AFAP1L2: variants seen among roughly 807,000 people sequenced by gnomAD.
AFAP1L2 encodes actin filament associated protein 1 like 2, also known as actin filament-associated protein 1-like 2.
A neutral mutation model predicts 99.3 loss-of-function variants in AFAP1L2; 46 were observed. The ratio of observed to expected loss-of-function variants is 0.46; its 90% CI spans 0.37 to 0.59. The LOEUF is 0.59. Ranked by LOEUF, AFAP1L2 falls within the 20% of genes least tolerant of loss-of-function variation. AFAP1L2 has a pLI of 0.00. For missense variants in AFAP1L2, 959 were observed against 1,034.9 expected (o/e 0.93, Z 1.01); for synonymous variants, 397 against 419.1 (o/e 0.95, Z 0.64).
intron 1 of AFAP1L2, among the ~76,000 whole-genome samples, chr10:114,388,055 T>A (rs1225406479): frequency 2.0e-5 from 3 of 152,232 alleles, no homozygotes; most frequent in South Asian, 2.1e-4. Flanking sequence ...GGGAGAAAGA[T>A]GAAGGAGGAT....
In AFAP1L2 at chr10:114,327,173, A is replaced by AT. The variant is rs148962632; in HGVS notation, c.316-3913dup. ...TATATATATATATATATATATATATATTTTTTTTTTAGGCAGAGTCTCACT... is the reference window on the plus strand; with the variant it reads ...TATATATATATATATATATATATATATTTTTTTTTTTAGGCAGAGTCTCACT... On this transcript the variant is annotated intron_variant, in intron 4 of 18. Transcript: ENST00000304129. Among the ~76,000 whole-genome samples, 120 of 18,690 alleles carry AT rather than the reference A, an allele frequency of 6.4e-3. 6 individuals carry two copies. The highest frequency in any genetic ancestry group is 0.013 in the African/African-American group (114 of 8,728). 12.3% of individuals were successfully genotyped at this position (18,690 alleles called of 152,430 possible).
At chr10:114,330,219 G>A (rs757385503) in intron 4 of AFAP1L2, among the ~76,000 whole-genome samples, 2 of 152,132 alleles carry the variant, frequency 1.3e-5, no homozygotes, top group African/African-American at 2.4e-5. Flanking sequence ...AGGAAGGCAC[G>A]AATGAAGGGG....
chr10:114,307,385 C>T (rs112260031), intron 10 of AFAP1L2, among the ~76,000 whole-genome samples: 51 of 152,128 alleles, frequency 3.4e-4, no homozygotes, highest in East Asian at 1.9e-4. Flanking sequence ...CTGATAGCTA[C>T]GAAGATGGCA....
chr10:114,400,414 C>G (rs1012895464), intron 1 of AFAP1L2, among the ~76,000 whole-genome samples: 3 of 152,190 alleles, frequency 2.0e-5, no homozygotes, highest in African/African-American at 7.2e-5. Flanking sequence ...TCCCACGCAA[C>G]TTCAAAGTCA....
chr10:114,358,114 T>C (rs2051667797), intron 1 of AFAP1L2, among the ~76,000 whole-genome samples: 1 of 152,216 alleles, frequency 6.6e-6, no homozygotes, highest in African/African-American at 2.4e-5. Flanking sequence ...GCCTCTCTTT[T>C]GTTTTCTGTT....
At chr10:114,281,105 G>A in the AFAP1L2 span, 1 of 152,226 alleles carries the variant, frequency 6.6e-6, no homozygotes, top group African/African-American at 2.4e-5. Flanking sequence ...TTACCCCAGG[G>A]AAGACCCTGC....
chr10:114,352,609 C>T (rs2050708301), intron 1 of AFAP1L2, among the ~76,000 whole-genome samples: 1 of 152,086 alleles, frequency 6.6e-6, no homozygotes, highest in Admixed American at 6.5e-5. Flanking sequence ...CAGGAAACCA[C>T]CTTCATAGAA....
At position 114,377,301 on chromosome 10, in the gene AFAP1L2, A is replaced by G. The variant is rs1305898225; in HGVS notation, c.16+27139T>C. Among the ~76,000 whole-genome samples, 2 of 152,048 alleles carry G rather than the reference A, an allele frequency of 1.3e-5. No homozygotes were observed. The highest frequency in any genetic ancestry group is 6.6e-5 in the Admixed American group (1 of 15,256). On this transcript the variant is annotated intron_variant, in intron 1 of 18. Coordinates refer to ENST00000304129, the MANE Select transcript of AFAP1L2 (RefSeq NM_001001936.3). This position sits in a 1 kb window ranked among gnomAD's most constrained non-coding sequence, Gnocchi z 4.0. ...CCTAGTAGAAATATTCTGCCTTAAA[A>G]CCCTTCAGAGAGGCCAGTTCCAAGG...
At chr10:114,338,220 C>A (rs1159350542) in intron 2 of AFAP1L2, among the ~76,000 whole-genome samples, 3 of 152,178 alleles carry the variant, frequency 2.0e-5, no homozygotes, top group Admixed American at 1.3e-4. Flanking sequence ...AGGTTGGACA[C>A]AAAGAAGCAT....
chr10:114,404,300 C>G lies in AFAP1L2; in HGVS notation c.16+140G>C, dbSNP rs938006003. The stretch of plus-strand genomic sequence containing the variant: ...GTCCGCGGCGCCGCTGTCGCCCCCT[C>G]TTAGGCCCAGGTCCGGGCTGGGTGG... On this transcript the variant is annotated intron_variant, in intron 1 of 18. Transcript: ENST00000304129. 4 of 1,038,074 alleles carry G rather than the reference C, an allele frequency of 3.9e-6. No homozygotes were observed. The African/African-American group carries it at 6.4e-5, about 17-fold the overall frequency. The allele number at this position is 1,038,074 out of a possible 1,614,324, so 64.3% of individuals were successfully genotyped here.
chr10:114,300,808 C>T (rs2041031994), intron 13 of AFAP1L2, 118 bp from the exon 14 acceptor site: 1 of 1,392,028 alleles, frequency 7.2e-7, no homozygotes, highest in Non-Finnish European at 9.7e-7. Flanking sequence ...CAAGAGATCT[C>T]CCTCCCTGCT....
At chr10:114,336,564 G>A (rs1052937198) in intron 2 of AFAP1L2, among the ~76,000 whole-genome samples, 2 of 152,144 alleles carry the variant, frequency 1.3e-5, no homozygotes, top group Admixed American at 6.5e-5. Context: ...TGCAGAGGGT[G>A]GTCCTTCCCA....
intron 4 of AFAP1L2, among the ~76,000 whole-genome samples, chr10:114,327,173 A>ATATATATAT (rs1491191152): frequency 2.1e-4 from 4 of 18,696 alleles, no homozygotes; most frequent in African/African-American, 4.6e-4. Context: ...ATATATATAT[A>ATATATATAT]TTTTTTTTTT....
chr10:114,301,211 G>A, intron 13 of AFAP1L2, 143 bp downstream of exon 13: 1 of 658,378 alleles, frequency 1.5e-6, no homozygotes, highest in Non-Finnish European at 2.6e-6. Flanking sequence ...GCACTTAGGT[G>A]TCTGCACTAC....
At chr10:114,345,059 T>G (rs2049322102) in intron 1 of AFAP1L2, among the ~76,000 whole-genome samples, 1 of 147,160 alleles carries the variant, frequency 6.8e-6, no homozygotes, top group Non-Finnish European at 1.5e-5. Flanking sequence ...ATCACACCAC[T>G]GCCCTCCAGC....
intron 2 of AFAP1L2, among the ~76,000 whole-genome samples, chr10:114,339,608 G>C (rs773894761): frequency 6.6e-6 from 1 of 152,186 alleles, no homozygotes; most frequent in Non-Finnish European, 1.5e-5. Context: ...CTAGCACCCA[G>C]TATACCTTGG....
At chr10:114,315,870 A>G in intron 5 of AFAP1L2, 105 bp from the exon 6 acceptor site, 1 of 1,113,496 alleles carries the variant, frequency 9.0e-7, no homozygotes, top group African/African-American at 1.5e-5. Flanking sequence ...GCCAGACCAC[A>G]GCCCCCGACT....
At chr10:114,370,965 G>C (rs1336090602) in intron 1 of AFAP1L2, among the ~76,000 whole-genome samples, 2 of 152,264 alleles carry the variant, frequency 1.3e-5, no homozygotes, top group East Asian at 3.9e-4. Context: ...CAACCATTGG[G>C]ACTTAGATGA....
At position 114,401,092 on chromosome 10, in the gene AFAP1L2, C is replaced by A. The variant is rs17091789; in HGVS notation, c.16+3348G>T. 1.4e-4 allele frequency among the ~76,000 whole-genome samples: 21 copies of A among 152,290 alleles called. No homozygotes were observed. In the South Asian group the frequency reaches 4.4e-3, roughly 32 times the overall value. ...ATTGACTCTTTGCAGTTCATATCTG[C>A]CTCCAATGCCCTAGAGCTAAGCGGG... On this transcript the variant is annotated intron_variant, in intron 1 of 18. Transcript: ENST00000304129.
Sources: allele counts gnomAD v4.1 joint callset (sites outside exome capture counted in the v4.1 genomes callset), GRCh38; gene constraint gnomAD v4.1.1; non-coding constraint Gnocchi (gnomAD v3.1); transcripts MANE v1.5; gene names NCBI Gene and HGNC (gene_info 2026-07-23, HGNC 2026-07-21).